MYRIP: variants seen among roughly 807,000 people sequenced by gnomAD.
MYRIP encodes rab effector MyRIP.
A neutral mutation model predicts 98.0 loss-of-function variants in MYRIP; 49 were observed. The ratio of observed to expected loss-of-function variants is 0.50; its 90% CI spans 0.40 to 0.63. The LOEUF (loss-of-function observed/expected upper bound fraction) is 0.63, where lower values mean the gene tolerates loss of function less well. MYRIP is among the 30% of genes least tolerant of loss of function. The pLI is 0.00. For synonymous variants in MYRIP, 404 were observed against 409.5 expected, an observed-to-expected ratio of 0.99 and a Z score of 0.16; for missense variants, 1,004 against 1,058.2, an observed-to-expected ratio of 0.95 and a Z score of 0.71.
At position 40,153,206 on chromosome 3, in the gene MYRIP, G is replaced by A. The variant is rs150720385; in HGVS notation, c.469+2022G>A. 2.5e-3 allele frequency among the ~76,000 whole-genome samples: 383 copies of A among 152,212 alleles called. 3 individuals carry two copies. The highest frequency in any genetic ancestry group is 8.5e-3 in the African/African-American group (355 of 41,522). Reference sequence around the variant, plus strand: ...TACTATTTGTATCTCCATTTAAGTCGAGATTTCTTTTGGAGAAACATGAAG... The same window carrying A: ...TACTATTTGTATCTCCATTTAAGTCAAGATTTCTTTTGGAGAAACATGAAG... On this transcript the variant is annotated intron_variant, in intron 4 of 16. Coordinates refer to ENST00000302541, the MANE Select transcript of MYRIP (RefSeq NM_015460.4).
chr3:40,026,775 C>A (rs1947140263), intron 2 of MYRIP, among the ~76,000 whole-genome samples: 1 of 152,170 alleles, frequency 6.6e-6, no homozygotes, highest in South Asian at 2.1e-4. Context: ...GCAGCCAAAT[C>A]CAGTGGATAT....
In MYRIP at chr3:40,169,996, A is replaced by G; in HGVS notation, c.776A>G (p.Glu259Gly). The G allele has an allele frequency of 6.2e-7, 1 of 1,614,218 alleles. No individual in the cohort carries two copies. Among genetic ancestry groups the G allele is most frequent in the Non-Finnish European group, 8.5e-7 (1 of 1,180,038 alleles). ...AAAAGTGAGCAGCAAGTGGAAGAAG[A>G]GCCAGGATGGCCACATCCCCAGAGT... ...KSKSEQQVEEEPGWPHPQSCS... is the reference protein window; with the variant it reads ...KSKSEQQVEEGPGWPHPQSCS... The change falls in exon 8 of 17, where the codon GAG becomes GGG. Residue 259 changes from glutamate (E) to glycine (G), a missense_variant. By Grantham distance (98) the Glu-to-Gly change is moderately conservative. Around this residue, in one of 3 missense-constraint regions of MYRIP, gnomAD observed 880 missense variants for 907.7 expected, o/e 0.97. Coordinates refer to ENST00000302541, the MANE Select transcript of MYRIP (RefSeq NM_015460.4).
chr3:39,866,561 C>T lies in MYRIP; in HGVS notation c.-30-34226C>T, dbSNP rs144705497. On this transcript the variant is annotated intron_variant, in intron 1 of 16. Coordinates refer to ENST00000302541, the MANE Select transcript of MYRIP (RefSeq NM_015460.4). ...TCTCAGCTCACCGCAACCTCCACCTCCCGGGTTCAAGTGATTCTCCTGCCT... is the reference window on the plus strand; with the variant it reads ...TCTCAGCTCACCGCAACCTCCACCTTCCGGGTTCAAGTGATTCTCCTGCCT... Among the ~76,000 whole-genome samples, 1,379 of 152,144 alleles carry T rather than the reference C, an allele frequency of 9.1e-3. 24 individuals are homozygous for T. The highest frequency in any genetic ancestry group is 0.032 in the African/African-American group (1,323 of 41,490).
At chr3:39,856,320 G>A (rs756436769) in intron 1 of MYRIP, among the ~76,000 whole-genome samples, 2 of 140,592 alleles carry the variant, frequency 1.4e-5, no homozygotes, top group Non-Finnish European at 3.0e-5. Flanking sequence ...TCATACATGT[G>A]GGAGCTGCAC....
Position 40,101,122 on chromosome 3 carries a change from T to C in MYRIP, c.333-49926T>C, listed in dbSNP as rs926412554. 2.0e-5 allele frequency among the ~76,000 whole-genome samples: 3 copies of C among 152,202 alleles called. No homozygotes were observed. The South Asian group carries it at 6.2e-4, about 31-fold the overall frequency. On this transcript the variant is annotated intron_variant, in intron 3 of 16. Transcript: ENST00000302541. ...ACCCTTTTTGTTTTTACAGCTTATA[T>C]CTTTATTTTCTTCTATGAAAAGGTT...
At chr3:40,115,199 A>C (rs1030821200) in intron 3 of MYRIP, among the ~76,000 whole-genome samples, 17 of 152,232 alleles carry the variant, frequency 1.1e-4, no homozygotes, top group Non-Finnish European at 2.4e-4. Flanking sequence ...CAAATGTCTC[A>C]TTCCTACTCT....
At chr3:39,841,217 G>A (rs990327554) in intron 1 of MYRIP, among the ~76,000 whole-genome samples, 2 of 151,726 alleles carry the variant, frequency 1.3e-5, no homozygotes, top group Admixed American at 6.6e-5. Flanking sequence ...ATCTTCAATC[G>A]CTGATATCTT....
intron 2 of MYRIP, among the ~76,000 whole-genome samples, chr3:39,936,322 C>G (rs1215701943): frequency 3.3e-5 from 5 of 152,174 alleles, no homozygotes; most frequent in Non-Finnish European, 5.9e-5. Context: ...GAAACACTAG[C>G]CTTGGCTCTA....
Position 40,170,359 on chromosome 3 carries a change from AT to A in MYRIP, c.873+275del, listed in dbSNP as rs199915137. Among the ~76,000 whole-genome samples, 69 of 151,670 alleles carry A rather than the reference AT, an allele frequency of 4.5e-4. No individual in the cohort carries two copies. The Middle Eastern group carries it at 0.01, about 22-fold the overall frequency. On this transcript the variant is annotated intron_variant, in intron 8 of 16. Coordinates refer to ENST00000302541, the MANE Select transcript of MYRIP (RefSeq NM_015460.4). Reference sequence around the variant, plus strand: ...AAAAATACAAATGCTGATAGGCTGCATTTTTTTTTCATTCTGAAAAGAATTA... The same window carrying A: ...AAAAATACAAATGCTGATAGGCTGCATTTTTTTTCATTCTGAAAAGAATTA...
intron 2 of MYRIP, among the ~76,000 whole-genome samples, chr3:40,005,303 C>G (rs1331083502): frequency 6.6e-6 from 1 of 152,250 alleles, no homozygotes; most frequent in South Asian, 2.1e-4. Flanking sequence ...ACTCCTGTAA[C>G]TCATAGTACC....
chr3:40,114,533 G>C (rs534152999), intron 3 of MYRIP, among the ~76,000 whole-genome samples: 2 of 152,280 alleles, frequency 1.3e-5, no homozygotes, highest in South Asian at 4.1e-4. Context: ...ACAAATATGG[G>C]CTAGCATGTT....
At chr3:39,885,845 C>T (rs1249345772) in intron 1 of MYRIP, among the ~76,000 whole-genome samples, 1 of 152,084 alleles carries the variant, frequency 6.6e-6, no homozygotes, top group African/African-American at 2.4e-5. Flanking sequence ...TTTTCAGCTC[C>T]ATCAGCTCCT....
At chr3:40,124,488 A>T (rs537558646) in intron 3 of MYRIP, among the ~76,000 whole-genome samples, 1 of 152,240 alleles carries the variant, frequency 6.6e-6, no homozygotes, top group Non-Finnish European at 1.5e-5. Context: ...GCTGGTGGTT[A>T]CATGGAGGGA....
chr3:40,131,984 A>C (rs1949654348), intron 3 of MYRIP, among the ~76,000 whole-genome samples: 1 of 152,180 alleles, frequency 6.6e-6, no homozygotes, highest in Non-Finnish European at 1.5e-5. Context: ...TGTAGAAAAG[A>C]CTTCTTTTGA....
intron 1 of MYRIP, among the ~76,000 whole-genome samples, chr3:39,836,070 T>G (rs1424105037): frequency 6.6e-6 from 1 of 152,200 alleles, no homozygotes; most frequent in East Asian, 1.9e-4. Context: ...GGATGTATCT[T>G]TATAGTGTAA....
chr3:39,995,283 C>T (rs1332688765), intron 2 of MYRIP, among the ~76,000 whole-genome samples: 1 of 152,004 alleles, frequency 6.6e-6, no homozygotes, highest in East Asian at 1.9e-4. Flanking sequence ...ACGTTAAAAA[C>T]CTTGAAAAAA....
intron 1 of MYRIP, among the ~76,000 whole-genome samples, chr3:39,892,812 G>GT (rs1257810123): frequency 2.0e-5 from 3 of 152,152 alleles, no homozygotes; most frequent in Non-Finnish European, 4.4e-5. Flanking sequence ...TCCTGCTTCG[G>GT]TTTTTGGAAT....
chr3:39,951,644 A>C (rs770759979), intron 2 of MYRIP, among the ~76,000 whole-genome samples: 3 of 152,088 alleles, frequency 2.0e-5, no homozygotes, highest in Non-Finnish European at 2.9e-5. Flanking sequence ...ATTATGAAAT[A>C]TTATTCTTTT....
At chr3:39,926,671 C>A (rs1346568592) in intron 2 of MYRIP, among the ~76,000 whole-genome samples, 1 of 151,920 alleles carries the variant, frequency 6.6e-6, no homozygotes, top group African/African-American at 2.4e-5. Flanking sequence ...TCTGGATTTT[C>A]TATTCTGTTC....
Sources: gnomAD v4.1 joint callset for allele counts (sites outside exome capture counted in the v4.1 genomes callset) on GRCh38, gnomAD v4.1.1 for gene constraint, gnomAD v4.1.1 regional missense constraint, MANE v1.5 for transcripts, NCBI Gene and HGNC (gene_info 2026-07-23, HGNC 2026-07-21) for gene names.